Variants in NCKAP5 observed in about 807,000 individuals in gnomAD.
The protein encoded by NCKAP5 is nck-associated protein 5.
In NCKAP5, 92 loss-of-function variants were observed where a neutral mutation model predicts 167.0. The observed-to-expected ratio is 0.55, with a 90% confidence interval of 0.47 to 0.66. The LOEUF (loss-of-function observed/expected upper bound fraction) is 0.66, where lower values mean the gene tolerates loss of function less well. NCKAP5 is among the 30% of genes least tolerant of loss of function. The pLI, the probability that NCKAP5 is intolerant of heterozygous loss-of-function variation, is 0.00. For missense variants in NCKAP5, 2,378 were observed against 2,315.0 expected (o/e 1.03, Z -0.56); for synonymous variants, 891 against 877.4 (o/e 1.02, Z -0.27).
At chr2:132,916,308 G>C (rs1247624452) in intron 8 of NCKAP5, among the ~76,000 whole-genome samples, 1 of 152,076 alleles carries the variant, frequency 6.6e-6, no homozygotes, top group African/African-American at 2.4e-5. Flanking sequence ...GGCGTTAGCT[G>C]GATGAGTAAC....
At chr2:133,396,968 C>T (rs1189639420) in intron 3 of NCKAP5, among the ~76,000 whole-genome samples, 1 of 152,152 alleles carries the variant, frequency 6.6e-6, no homozygotes, top group Non-Finnish European at 1.5e-5. Context: ...CCCTATAATG[C>T]AGAATGGTGT....
intron 3 of NCKAP5, among the ~76,000 whole-genome samples, chr2:133,470,325 G>T (rs980907659): frequency 2.0e-5 from 3 of 152,070 alleles, no homozygotes; most frequent in East Asian, 1.9e-4. Flanking sequence ...GGCTGCTCGG[G>T]GGTCAGGGGT....
At chr2:132,946,856 C>T (rs1697785300) in intron 8 of NCKAP5, among the ~76,000 whole-genome samples, 1 of 152,140 alleles carries the variant, frequency 6.6e-6, no homozygotes, top group Non-Finnish European at 1.5e-5. Context: ...CGAGATGGCG[C>T]CACCGCACTC....
the NCKAP5 span, among the ~76,000 whole-genome samples, chr2:133,647,541 G>C: frequency 7.0e-6 from 1 of 143,870 alleles, no homozygotes; most frequent in Admixed American, 7.0e-5. Context: ...GGAAAGGAGG[G>C]AGGGAGGGAG....
intron 3 of NCKAP5, among the ~76,000 whole-genome samples, chr2:133,468,274 T>C (rs1320813066): frequency 1.4e-5 from 2 of 141,818 alleles, no homozygotes; most frequent in Non-Finnish European, 3.0e-5. Flanking sequence ...ATGTACCCAG[T>C]AGTCATTCAG....
intron 4 of NCKAP5, among the ~76,000 whole-genome samples, chr2:133,216,753 G>A (rs2086445680): frequency 6.6e-6 from 1 of 152,038 alleles, no homozygotes; most frequent in African/African-American, 2.4e-5. Context: ...AGAAACAGAA[G>A]TTCAGGCATA....
At chr2:133,144,258 A>G (rs55665571) in intron 5 of NCKAP5, among the ~76,000 whole-genome samples, 4,635 of 152,176 alleles carry the variant, frequency 0.03, 217 homozygotes, top group African/African-American at 0.1. Flanking sequence ...TAATGACTCA[A>G]TTCTGCTCTG....
intron 1 of NCKAP5, among the ~76,000 whole-genome samples, chr2:133,567,515 C>T (rs1688637046): frequency 6.6e-6 from 1 of 152,152 alleles, no homozygotes; most frequent in Non-Finnish European, 1.5e-5. Flanking sequence ...TTCAGTAGTA[C>T]ATTAACTTGG....
intron 18 of NCKAP5, among the ~76,000 whole-genome samples, chr2:132,726,934 C>A (rs1046518375): frequency 5.9e-5 from 9 of 152,158 alleles, no homozygotes; most frequent in African/African-American, 2.2e-4. Context: ...CCAAAAGGAC[C>A]CAGTCCAGTC....
chr2:132,755,329 T>C (rs984072286), intron 16 of NCKAP5, among the ~76,000 whole-genome samples: 1 of 152,188 alleles, frequency 6.6e-6, no homozygotes, highest in African/African-American at 2.4e-5. Flanking sequence ...AAGGTCATCT[T>C]AGGCCTTTCT....
chr2:133,467,477 T>C (rs1297085441), intron 3 of NCKAP5, among the ~76,000 whole-genome samples: 10 of 151,912 alleles, frequency 6.6e-5, no homozygotes, highest in Non-Finnish European at 1.2e-4. Context: ...TTCTCTTTTT[T>C]TGTTGTGTCT....
chr2:133,308,495 T>C (rs1318353926), intron 3 of NCKAP5, among the ~76,000 whole-genome samples: 1 of 152,074 alleles, frequency 6.6e-6, no homozygotes, highest in Non-Finnish European at 1.5e-5. Context: ...GTTGTGATTT[T>C]AAGACATCCG....
chr2:132,676,365 T>G (rs1684492698), intron 19 of NCKAP5, among the ~76,000 whole-genome samples: 1 of 149,652 alleles, frequency 6.7e-6, no homozygotes, highest in Admixed American at 6.7e-5. Context: ...CCCAGCTTTC[T>G]TTTTGAAGGC....
At chr2:133,128,877 C>A (rs150173522) in intron 6 of NCKAP5, among the ~76,000 whole-genome samples, 11 of 151,698 alleles carry the variant, frequency 7.3e-5, no homozygotes, top group Admixed American at 2.0e-4. Flanking sequence ...GAATTACAGG[C>A]GTGAACCACT....
At chr2:133,049,215 A>G (rs773210958) in intron 6 of NCKAP5, among the ~76,000 whole-genome samples, 1 of 152,132 alleles carries the variant, frequency 6.6e-6, no homozygotes, top group Non-Finnish European at 1.5e-5. Flanking sequence ...GGGTGTTTGT[A>G]TGTTCTCAAG....
At chr2:133,441,808 A>G (rs948924124) in intron 3 of NCKAP5, among the ~76,000 whole-genome samples, 1 of 152,146 alleles carries the variant, frequency 6.6e-6, no homozygotes, top group South Asian at 2.1e-4. Context: ...CAGTTTCTTT[A>G]GGCATTTCCT....
intron 15 of NCKAP5, among the ~76,000 whole-genome samples, chr2:132,780,354 G>T (rs1261663408): frequency 2.0e-5 from 3 of 152,142 alleles, no homozygotes; most frequent in Non-Finnish European, 2.9e-5. Context: ...GTTTCACCGT[G>T]TTAGCCAGGA....
At chr2:132,678,338 TTTGA>T (rs1191247740) in intron 19 of NCKAP5, among the ~76,000 whole-genome samples, 1 of 152,192 alleles carries the variant, frequency 6.6e-6, no homozygotes, top group Non-Finnish European at 1.5e-5. Context: ...ATTTCCATCC[TTTGA>T]TTATGTCTTA....
At chr2:133,602,071 A>G in the NCKAP5 span, among the ~76,000 whole-genome samples, 1 of 152,222 alleles carries the variant, frequency 6.6e-6, no homozygotes, top group Non-Finnish European at 1.5e-5. Context: ...AGAGAGAGGG[A>G]GACCAGTGAA....
Sources: gnomAD v4.1 joint callset for allele counts (sites outside exome capture counted in the v4.1 genomes callset) on GRCh38, gnomAD v4.1.1 for gene constraint, MANE v1.5 for transcripts, NCBI Gene and HGNC (gene_info 2026-07-23, HGNC 2026-07-21) for gene names.